Variants in BCL2 observed in about 807,000 individuals in gnomAD.
BCL2 encodes BCL2 apoptosis regulator.
BCL2 carries 1 observed loss-of-function variant against 14.2 expected under a neutral mutation model. The observed-to-expected ratio is 0.07, with a 90% CI of 0.02 to 0.33. The LOEUF (loss-of-function observed/expected upper bound fraction) is 0.33, where lower values mean the gene tolerates loss of function less well. Among genes scored for constraint, BCL2 ranks in the 10% least tolerant of loss-of-function variants. The probability of loss-of-function intolerance (pLI) is 0.99; values close to 1 mark genes in which losing one functional copy is unlikely to be tolerated. For synonymous variants in BCL2, 151 were observed against 137.2 expected (o/e 1.10, Z -0.70); for missense variants, 247 against 305.9 (o/e 0.81, Z 1.44).
At position 63,123,872 on chromosome 18, in the gene BCL2, T is replaced by G. The variant is rs1913840405; in HGVS notation, c.*4753A>C. Reference sequence around the variant, plus strand: ...TTTCCAAAAGGTTTAGGTGCATGGATTTACTCAGTATCTACACTACAGTCT... The same window carrying G: ...TTTCCAAAAGGTTTAGGTGCATGGAGTTACTCAGTATCTACACTACAGTCT... On this transcript the variant is annotated 3_prime_UTR_variant, in exon 3 of 3. Coordinates refer to ENST00000333681, the MANE Select transcript of BCL2 (RefSeq NM_000633.3). The G allele has an allele frequency of 4.6e-6, 1 of 218,732 alleles. No homozygotes were observed. The highest frequency in any genetic ancestry group is 1.9e-4 in the South Asian group (1 of 5,396). The allele number at this position is 218,732 out of a possible 1,614,324, so 13.5% of individuals were successfully genotyped here.
chr18:63,250,583 G>A (rs1397335903), intron 2 of BCL2, among the ~76,000 whole-genome samples: 1 of 152,208 alleles, frequency 6.6e-6, no homozygotes. Flanking sequence ...ATGGAGAATG[G>A]AAACTTTCTC....
chr18:63,199,572 C>T (rs1909629337), intron 2 of BCL2, among the ~76,000 whole-genome samples: 1 of 151,614 alleles, frequency 6.6e-6, no homozygotes, highest in South Asian at 2.1e-4. Context: ...CCACACAACA[C>T]ACACACAGAT....
intron 2 of BCL2, among the ~76,000 whole-genome samples, chr18:63,160,378 A>T (rs1421783994): frequency 6.6e-6 from 1 of 152,154 alleles, no homozygotes; most frequent in Admixed American, 6.5e-5. Flanking sequence ...CGCAACTAAG[A>T]CCGAGTGGGT....
At chr18:63,266,441 G>C (rs1911824342) in intron 2 of BCL2, among the ~76,000 whole-genome samples, 2 of 151,714 alleles carry the variant, frequency 1.3e-5, no homozygotes, top group South Asian at 4.1e-4. Flanking sequence ...GGGGAGAAGT[G>C]GGAGGTAAAG....
At chr18:63,182,040 A>G (rs1439121737) in intron 2 of BCL2, among the ~76,000 whole-genome samples, 1 of 152,090 alleles carries the variant, frequency 6.6e-6, no homozygotes, top group Non-Finnish European at 1.5e-5. Flanking sequence ...CCTGGTTCCA[A>G]TCTTCTCCCC....
At chr18:63,248,994 GA>G (rs1911228814) in intron 2 of BCL2, among the ~76,000 whole-genome samples, 1 of 152,152 alleles carries the variant, frequency 6.6e-6, no homozygotes, top group Non-Finnish European at 1.5e-5. Flanking sequence ...ATTCCATGAA[GA>G]AATAAGCTTT....
chr18:63,183,520 T>C (rs945954615), intron 2 of BCL2, among the ~76,000 whole-genome samples: 5 of 152,208 alleles, frequency 3.3e-5, no homozygotes, highest in Non-Finnish European at 5.9e-5. Context: ...GCCTCCGCGC[T>C]TGGCCATCAG....
chr18:63,135,183 T>A (rs1356561262), intron 2 of BCL2, among the ~76,000 whole-genome samples: 1 of 152,212 alleles, frequency 6.6e-6, no homozygotes. Flanking sequence ...ACCTGCCTCC[T>A]GCATGTCACT....
chr18:63,208,436 A>T (rs1285967371), intron 2 of BCL2, among the ~76,000 whole-genome samples: 4 of 152,166 alleles, frequency 2.6e-5, no homozygotes, highest in Non-Finnish European at 5.9e-5. Context: ...TGAAGAAAAG[A>T]CATTTTACAA....
intron 2 of BCL2, among the ~76,000 whole-genome samples, chr18:63,143,341 A>T (rs1914418041): frequency 6.6e-6 from 1 of 152,244 alleles, no homozygotes; most frequent in Non-Finnish European, 1.5e-5. Context: ...GGCACAGTTG[A>T]CAGCTGGCTG....
At chr18:63,189,452 C>G (rs17070818) in intron 2 of BCL2, among the ~76,000 whole-genome samples, 2,516 of 152,248 alleles carry the variant, frequency 0.017, 26 homozygotes, top group Non-Finnish European at 0.026. Context: ...ATATCAAGTT[C>G]CTCTAGTTGA....
At chr18:63,199,173 A>G (rs1195312771) in intron 2 of BCL2, among the ~76,000 whole-genome samples, 1 of 149,796 alleles carries the variant, frequency 6.7e-6, no homozygotes, top group Non-Finnish European at 1.5e-5. Flanking sequence ...CACACATCAC[A>G]TAGACACATA....
At chr18:63,314,264 T>A (rs751502520) in intron 2 of BCL2, 2 of 152,228 alleles carry the variant, frequency 1.3e-5, no homozygotes, top group Non-Finnish European at 2.9e-5. Context: ...AAATTGGCCA[T>A]AAGCAGCCAA....
intron 2 of BCL2, among the ~76,000 whole-genome samples, chr18:63,309,871 T>C (rs1913253876): frequency 6.6e-6 from 1 of 152,148 alleles, no homozygotes; most frequent in South Asian, 2.1e-4. Flanking sequence ...TGTTTATTTA[T>C]TTATTTTTTG....
At chr18:63,235,177 T>C (rs1599260689) in intron 2 of BCL2, among the ~76,000 whole-genome samples, 1 of 152,346 alleles carries the variant, frequency 6.6e-6, no homozygotes, top group South Asian at 2.1e-4. Context: ...CTAACAAGTA[T>C]TGAAGAGAAT....
chr18:63,211,671 C>T (rs749281936), intron 2 of BCL2, among the ~76,000 whole-genome samples: 13 of 152,252 alleles, frequency 8.5e-5, no homozygotes, highest in South Asian at 4.1e-4. Context: ...AATAGGTACT[C>T]GACGATAGTA....
chr18:63,142,938 G>A lies in BCL2; in HGVS notation c.586-14179C>T, dbSNP rs1010040223. ...CATCAGACAGTCTTCCTGTGCCCAGGGAAGACAGCAGACCTCTCTATCACA... is the reference window on the plus strand; with the variant it reads ...CATCAGACAGTCTTCCTGTGCCCAGAGAAGACAGCAGACCTCTCTATCACA... On this transcript the variant is annotated intron_variant, in intron 2 of 2. Transcript: ENST00000333681. Among the ~76,000 whole-genome samples, 14 of 152,302 alleles carry A rather than the reference G, an allele frequency of 9.2e-5. No individual in the cohort carries two copies. In the East Asian group the frequency reaches 2.3e-3, roughly 25 times the overall value.
chr18:63,191,169 G>T (rs1909282144), intron 2 of BCL2, among the ~76,000 whole-genome samples: 1 of 152,180 alleles, frequency 6.6e-6, no homozygotes, highest in South Asian at 2.1e-4. Flanking sequence ...ACATACATGT[G>T]CATGTATCTT....
At chr18:63,288,974 T>C (rs948254719) in intron 2 of BCL2, among the ~76,000 whole-genome samples, 8 of 152,128 alleles carry the variant, frequency 5.3e-5, no homozygotes, top group Admixed American at 3.3e-4. Flanking sequence ...GCTCTCAATA[T>C]GTAATTGTTG....
Sources: allele counts gnomAD v4.1 joint callset (sites outside exome capture counted in the v4.1 genomes callset), GRCh38; gene constraint gnomAD v4.1.1; transcripts MANE v1.5; gene names NCBI Gene and HGNC (gene_info 2026-07-23, HGNC 2026-07-21).